Variants in PGCKA1 observed in about 807,000 individuals in gnomAD.
PGCKA1 encodes the protein PDCD10 and GCKIII kinases associated 1.
chr4:37,530,859 C>T, the PGCKA1 span, among the ~76,000 whole-genome samples: 2 of 151,798 alleles, frequency 1.3e-5, no homozygotes, highest in Admixed American at 6.6e-5. Flanking sequence ...GTGGTGGGCA[C>T]CTGTAATCTC....
chr4:37,567,066 AAAAAT>A, the PGCKA1 span, among the ~76,000 whole-genome samples: 31 of 150,044 alleles, frequency 2.1e-4, no homozygotes, highest in East Asian at 3.9e-4. Flanking sequence ...GCGGACAAAA[AAAAAT>A]AAAATAAAAT....
chr4:37,583,167 G>T, the PGCKA1 span, among the ~76,000 whole-genome samples: 5 of 152,148 alleles, frequency 3.3e-5, no homozygotes, highest in African/African-American at 1.2e-4. Flanking sequence ...TCTACAAGTG[G>T]ATTCCTGTGT....
chr4:37,571,023 C>T, the PGCKA1 span, among the ~76,000 whole-genome samples: 2 of 152,212 alleles, frequency 1.3e-5, no homozygotes, highest in Non-Finnish European at 2.9e-5. Context: ...ATCATGCCTT[C>T]ATTCCCACGT....
At chr4:37,575,882 T>C in the PGCKA1 span, among the ~76,000 whole-genome samples, 2 of 152,134 alleles carry the variant, frequency 1.3e-5, no homozygotes, top group Non-Finnish European at 1.5e-5. Context: ...ATGTTCTTGG[T>C]TCCTTTGTTG....
the PGCKA1 span, among the ~76,000 whole-genome samples, chr4:37,537,761 G>GATAT: frequency 2.0e-5 from 3 of 152,126 alleles, no homozygotes; most frequent in South Asian, 4.1e-4. Context: ...AAGACTCCAT[G>GATAT]ATATATAATA....
chr4:37,535,153 G>C, the PGCKA1 span, among the ~76,000 whole-genome samples: 1 of 152,176 alleles, frequency 6.6e-6, no homozygotes, highest in Non-Finnish European at 1.5e-5. Flanking sequence ...GCTATAAGGA[G>C]GGCTTTCCGG....
the PGCKA1 span, among the ~76,000 whole-genome samples, chr4:37,495,709 G>A: frequency 6.6e-6 from 1 of 152,244 alleles, no homozygotes; most frequent in African/African-American, 2.4e-5. Flanking sequence ...GGCCTATCGG[G>A]GTTGGGGGCA....
At chr4:37,488,602 A>T in the PGCKA1 span, among the ~76,000 whole-genome samples, 1 of 152,130 alleles carries the variant, frequency 6.6e-6, no homozygotes, top group Non-Finnish European at 1.5e-5. Context: ...TACTGTCTGA[A>T]TCTAAGTCAG....
chr4:37,478,518 C>T, the PGCKA1 span, among the ~76,000 whole-genome samples: 37 of 152,244 alleles, frequency 2.4e-4, 1 homozygote, highest in Admixed American at 9.8e-4. Flanking sequence ...AAATACTTCC[C>T]GTTGTTTTAG....
At chr4:37,538,334 C>T in the PGCKA1 span, among the ~76,000 whole-genome samples, 1 of 152,182 alleles carries the variant, frequency 6.6e-6, no homozygotes, top group Non-Finnish European at 1.5e-5. Context: ...CAAATCTCTT[C>T]TGCCACATGT....
At chr4:37,576,353 A>AT in the PGCKA1 span, among the ~76,000 whole-genome samples, 1 of 151,804 alleles carries the variant, frequency 6.6e-6, no homozygotes, top group Admixed American at 6.6e-5. Flanking sequence ...TAGAAATGTG[A>AT]TTTTTTTCTT....
chr4:37,486,472 CACTT>C, the PGCKA1 span, among the ~76,000 whole-genome samples: 1 of 152,110 alleles, frequency 6.6e-6, no homozygotes, highest in South Asian at 2.1e-4. Context: ...GAGCAAGAAA[CACTT>C]AGACCAAACA....
At chr4:37,521,833 G>A in the PGCKA1 span, among the ~76,000 whole-genome samples, 9 of 152,184 alleles carry the variant, frequency 5.9e-5, no homozygotes, top group African/African-American at 1.4e-4. Flanking sequence ...TCTCTTTAGC[G>A]CTAATAATAT....
chr4:37,464,399 C>G, the PGCKA1 span, among the ~76,000 whole-genome samples: 3 of 152,150 alleles, frequency 2.0e-5, no homozygotes, highest in Non-Finnish European at 2.9e-5. Flanking sequence ...ACGCTAACTA[C>G]TCCTGGATTT....
chr4:37,560,944 G>A, the PGCKA1 span, among the ~76,000 whole-genome samples: 1 of 131,148 alleles, frequency 7.6e-6, no homozygotes. Flanking sequence ...TGTTCACTGT[G>A]ACTGTTCCCT....
the PGCKA1 span, among the ~76,000 whole-genome samples, chr4:37,528,234 C>T: frequency 2.0e-5 from 3 of 152,166 alleles, no homozygotes; most frequent in Admixed American, 6.5e-5. Flanking sequence ...CCCTGAAGAG[C>T]TTTGACTCAG....
chr4:37,555,390 A>T, the PGCKA1 span, among the ~76,000 whole-genome samples: 6 of 152,194 alleles, frequency 3.9e-5, no homozygotes, highest in African/African-American at 1.4e-4. Flanking sequence ...TTCATAGAGG[A>T]CACTCTGAGA....
chr4:37,521,362 G>C, the PGCKA1 span, among the ~76,000 whole-genome samples: 4 of 151,956 alleles, frequency 2.6e-5, no homozygotes, highest in East Asian at 7.7e-4. Flanking sequence ...ACCCACCCAG[G>C]GCCTGGGAGA....
the PGCKA1 span, among the ~76,000 whole-genome samples, chr4:37,562,476 T>C: frequency 6.6e-6 from 1 of 152,170 alleles, no homozygotes; most frequent in Non-Finnish European, 1.5e-5. Context: ...GTGGCAAATA[T>C]GTTAGCCAGA....
Sources: allele counts gnomAD v4.1 joint callset (sites outside exome capture counted in the v4.1 genomes callset), GRCh38; gene constraint gnomAD v4.1.1; transcripts MANE v1.5; gene names NCBI Gene and HGNC (gene_info 2026-07-23, HGNC 2026-07-21).